Variants in MAP4K2 observed in about 807,000 individuals in gnomAD.
The protein encoded by MAP4K2 is mitogen-activated protein kinase kinase kinase kinase 2.
In MAP4K2, 85 loss-of-function variants were observed where a neutral mutation model predicts 125.3. The ratio of observed to expected loss-of-function variants is 0.68; its 90% CI spans 0.57 to 0.81. The LOEUF (loss-of-function observed/expected upper bound fraction) is 0.81, where lower values mean the gene tolerates loss of function less well. MAP4K2 is among the 40% of genes least tolerant of loss of function. MAP4K2 has a pLI of 0.00. For synonymous variants in MAP4K2, 479 were observed against 445.1 expected (o/e 1.08, Z -0.96); for missense variants, 923 against 1,056.4 (o/e 0.87, Z 1.75).
In MAP4K2 at chr11:64,800,776, T is replaced by G. The variant is rs771148874; in HGVS notation, c.713A>C (p.Asp238Ala). The change falls in exon 10 of 32, where the codon GAT becomes GCT. Residue 238 changes from aspartate to alanine, a missense_variant. Asp to Ala is a moderately radical substitution (Grantham distance 126). Around this residue, in one of 2 missense-constraint regions of MAP4K2, gnomAD observed 833 missense variants for 911.4 expected, o/e 0.91. Transcript: ENST00000294066. ...KSSFQPPKLRDKTRWTQNFHH... is the reference protein window; with the variant it reads ...KSSFQPPKLRAKTRWTQNFHH... Reference sequence around the variant, plus strand: ...GTGTGGCCCTTACCAGCGAGTCTTATCTCTCAGTTTGGGCGGCTGGAAGCT... The same window carrying G: ...GTGTGGCCCTTACCAGCGAGTCTTAGCTCTCAGTTTGGGCGGCTGGAAGCT... 3 of 1,607,280 alleles carry G rather than the reference T, an allele frequency of 1.9e-6. No individual in the cohort carries two copies. The East Asian group carries it at 6.7e-5, about 36-fold the overall frequency.
At chr11:64,794,317 T>C (rs900530886) in intron 24 of MAP4K2, among the ~76,000 whole-genome samples, 3 of 152,108 alleles carry the variant, frequency 2.0e-5, no homozygotes, top group Non-Finnish European at 4.4e-5. Context: ...TCCTACTGGC[T>C]CAACTTGCAA....
chr11:64,801,661 C>G, intron 6 of MAP4K2, 40 bp from the exon 7 acceptor site: 2 of 1,613,868 alleles, frequency 1.2e-6, no homozygotes, highest in South Asian at 1.1e-5. Context: ...CTGGTGCCCC[C>G]GAGGGCCTCC....
chr11:64,793,015 G>A (rs1460410657), intron 24 of MAP4K2, among the ~76,000 whole-genome samples: 3 of 152,158 alleles, frequency 2.0e-5, no homozygotes, highest in South Asian at 2.1e-4. Flanking sequence ...TCGGGAGTTC[G>A]AGACCAGCCT....
In MAP4K2 at chr11:64,796,541, G is replaced by T; in HGVS notation, c.1585C>A (p.Arg529Ser). The T allele has an allele frequency of 2.5e-6, 4 of 1,613,946 alleles. No homozygotes were observed. Among genetic ancestry groups the T allele is most frequent in the Non-Finnish European group, 3.4e-6 (4 of 1,180,036 alleles). ...TTCACGCAGTAGAGCCAGGAGCAGC[G>T]ATGTGAAATCAGCTGGAGGCCACAG... is the stretch of plus-strand genomic sequence containing the variant. ...EDTLEKLISH[R>S]CSWLYCVNNV... Residue 529 changes from arginine (R) to serine (S), a missense_variant, in exon 23 of 32, where the codon CGC becomes AGC. This residue lies in a region of MAP4K2 where 833 missense variants were observed against 911.4 expected (regional missense o/e 0.91). Transcript: ENST00000294066.
intron 24 of MAP4K2, among the ~76,000 whole-genome samples, chr11:64,792,727 T>G (rs1447714410): frequency 6.6e-6 from 1 of 152,036 alleles, no homozygotes; most frequent in Non-Finnish European, 1.5e-5. Flanking sequence ...TTTCGTCATC[T>G]GTAGATTGGG....
chr11:64,800,542 C>G (rs1941101431), intron 10 of MAP4K2, 150 bp from the exon 11 acceptor site: 1 of 1,087,142 alleles, frequency 9.2e-7, no homozygotes, highest in African/African-American at 1.6e-5. Context: ...CCGAGCAACG[C>G]TGCCTTGCGA....
chr11:64,787,261 C>T lies in MAP4K2; in HGVS notation c.*2276G>A, dbSNP rs1447671344. On this transcript the variant is annotated 3_prime_UTR_variant, in exon 32 of 32. Transcript: ENST00000294066. ...GGCCAGGCTGGTCTCGAACCCCTGA[C>T]CTCGTGATTCGCCCGCCTCGGCCTC... is the stretch of plus-strand genomic sequence containing the variant. 2.6e-5 allele frequency: 4 copies of T among 152,166 alleles called. No individual in the cohort carries two copies. The highest frequency in any genetic ancestry group is 7.2e-5 in the African/African-American group (3 of 41,510). The allele number at this position is 152,166 out of a possible 1,614,324, so 9.4% of individuals were successfully genotyped here.
intron 2 of MAP4K2, 73 bp from the exon 3 acceptor site, chr11:64,802,726 G>T: frequency 6.6e-7 from 1 of 1,509,000 alleles, no homozygotes; most frequent in Non-Finnish European, 9.1e-7. Context: ...CTGCAAAATG[G>T]GCACAGAGTG....
chr11:64,797,487 CCTCT>C lies in MAP4K2; in HGVS notation c.1170+10_1170+13del. 6.4e-7 allele frequency: 1 copy of C among 1,561,842 alleles called. No individual in the cohort carries two copies. The highest frequency in any genetic ancestry group is 8.7e-7 in the Non-Finnish European group (1 of 1,152,358). On this transcript the variant is annotated intron_variant, in intron 17 of 31. Transcript: ENST00000294066. ...TGGCCTGGATCCCAGCTCCAGCCTC[CCTCT>C]GTGTGGCACCTGGAATTCTGAGGCT... is the stretch of plus-strand genomic sequence containing the variant.
Position 64,792,520 on chromosome 11 carries a change from A to C in MAP4K2, c.1752-98T>G. ...GTGGGCACTATCAGCTTCCCTCTTT[A>C]CAAGTAAGGGACTGAGACTCAGAGA... On this transcript the variant is annotated intron_variant, in intron 24 of 31. Coordinates refer to ENST00000294066, the MANE Select transcript of MAP4K2 (RefSeq NM_004579.5). 1.2e-5 allele frequency: 12 copies of C among 976,166 alleles called. No homozygotes were observed. The South Asian group carries it at 1.7e-4, about 14-fold the overall frequency. 60.5% of individuals were successfully genotyped at this position (976,166 alleles called of 1,614,324 possible).
At chr11:64,797,567 G>A (rs1278617952) in intron 16 of MAP4K2, 33 bp from the exon 17 acceptor site, 1 of 1,575,398 alleles carries the variant, frequency 6.3e-7, no homozygotes, top group Middle Eastern at 1.7e-4. Context: ...GAGGCATGAG[G>A]TGTGACTGGC....
At chr11:64,790,343 C>T (rs372406359) in intron 28 of MAP4K2, 51 bp downstream of exon 28, 1 of 1,611,976 alleles carries the variant, frequency 6.2e-7, no homozygotes, top group Non-Finnish European at 8.5e-7. Context: ...CCCACGTGGT[C>T]GCCTTACCTC....
chr11:64,791,855 C>G, intron 27 of MAP4K2, 54 bp downstream of exon 27: 1 of 1,455,432 alleles, frequency 6.9e-7, no homozygotes, highest in Non-Finnish European at 9.1e-7. Flanking sequence ...GCCTCCCTCC[C>G]TCGGTCTCTC....
At chr11:64,799,839 C>A (rs1362557224) in intron 12 of MAP4K2, among the ~76,000 whole-genome samples, 156 bp from the exon 13 acceptor site, 1 of 152,212 alleles carries the variant, frequency 6.6e-6, no homozygotes, top group African/African-American at 2.4e-5. Flanking sequence ...GATGAGAGAA[C>A]CCACACAGAG....
intron 5 of MAP4K2, 139 bp downstream of exon 5, chr11:64,801,927 G>A: frequency 1.7e-6 from 2 of 1,155,306 alleles, no homozygotes; most frequent in Non-Finnish European, 2.5e-6. Flanking sequence ...ACAGGGCTGG[G>A]GCCCCTTTTC....
rs1940398077 is a variant in MAP4K2, at chr11:64,790,267, C to G, written c.2169G>C (p.Val723=). ...DTILVSFERC[V]RIVNMQGEPT... ...GCTCGCCCTGCATGTTGACAATCCT[C>G]ACACAGCCTGCACAGGGAAGGAATT... Residue 723 remains valine, a synonymous_variant, in exon 29 of 32, where the codon GTG becomes GTC. Transcript: ENST00000294066. The G allele has an allele frequency of 6.2e-7, 1 of 1,614,038 alleles. No homozygotes were observed. The highest frequency in any genetic ancestry group is 1.1e-5 in the South Asian group (1 of 91,086).
rs1940282285 is a variant in MAP4K2 at position 64,788,267 on chromosome 11, G to T, written c.*1270C>A. 1 of 152,536 alleles carries T rather than the reference G, an allele frequency of 6.6e-6. No individual in the cohort carries two copies. Among genetic ancestry groups the T allele is most frequent in the Non-Finnish European group, 1.5e-5 (1 of 68,294 alleles). The allele number at this position is 152,536 out of a possible 1,614,324, so 9.4% of individuals were successfully genotyped here. ...CTGCCTTGAATGTAGGGGTGACCATGGGGCCTTTGCTCCAGCTGTTCCCCC... is the reference window on the plus strand; with the variant it reads ...CTGCCTTGAATGTAGGGGTGACCATTGGGCCTTTGCTCCAGCTGTTCCCCC... On this transcript the variant is annotated 3_prime_UTR_variant, in exon 32 of 32. Transcript: ENST00000294066.
chr11:64,800,852 C>T (rs1359175956), intron 9 of MAP4K2, 26 bp from the exon 10 acceptor site: 1 of 1,613,606 alleles, frequency 6.2e-7, no homozygotes, highest in East Asian at 2.2e-5. Context: ...GGTCAGGGGC[C>T]ACAGGCCGCA....
intron 27 of MAP4K2, 114 bp from the exon 28 acceptor site, chr11:64,790,576 C>A (rs1208090525): frequency 2.1e-6 from 2 of 941,218 alleles, no homozygotes; most frequent in South Asian, 1.4e-5. Context: ...GTCAGCCTCA[C>A]AACAGCCCTG....
Sources: allele counts gnomAD v4.1 joint callset (sites outside exome capture counted in the v4.1 genomes callset), GRCh38; gene constraint gnomAD v4.1.1; regional missense constraint gnomAD v4.1.1; transcripts MANE v1.5; gene names NCBI Gene and HGNC (gene_info 2026-07-23, HGNC 2026-07-21).